Variants in LIMCH1 observed in about 807,000 individuals in gnomAD.
The protein encoded by LIMCH1 is LIM and calponin homology domains-containing protein 1.
Under a neutral mutation model 176.5 loss-of-function variants are expected in LIMCH1, and 113 were observed. The observed-to-expected ratio is 0.64, with a 90% CI of 0.55 to 0.75. The LOEUF is 0.75. Among genes scored for constraint, LIMCH1 ranks in the 30% least tolerant of loss-of-function variants. LIMCH1 has a pLI of 0.00. For synonymous variants in LIMCH1, 619 were observed against 645.9 expected, an observed-to-expected ratio of 0.96 and a Z score of 0.63; for missense variants, 1,674 against 1,814.9, an observed-to-expected ratio of 0.92 and a Z score of 1.41.
intron 1 of LIMCH1, among the ~76,000 whole-genome samples, chr4:41,386,517 A>G (rs771172434): frequency 1.3e-5 from 2 of 152,226 alleles, no homozygotes; most frequent in Non-Finnish European, 1.5e-5. Flanking sequence ...TTATTGAAGA[A>G]TCTACAAGTG....
At chr4:41,696,655 G>A (rs569970128) in intron 31 of LIMCH1, among the ~76,000 whole-genome samples, 8 of 152,112 alleles carry the variant, frequency 5.3e-5, no homozygotes, top group South Asian at 4.2e-4. Context: ...ATTCTGTGTC[G>A]TTTATCTGAA....
intron 1 of LIMCH1, among the ~76,000 whole-genome samples, chr4:41,579,714 A>G (rs1428752379): frequency 6.6e-6 from 1 of 152,146 alleles, no homozygotes; most frequent in South Asian, 2.1e-4. Context: ...CCCACTGTAC[A>G]CTCAGTGTTT....
chr4:41,360,026 G>GGTGTTGTGT (rs2051794036), upstream of LIMCH1, among the ~76,000 whole-genome samples: 1 of 145,774 alleles, frequency 6.9e-6, no homozygotes, highest in Non-Finnish European at 1.5e-5. The surrounding 1 kb of genome is among the most constrained non-coding windows in gnomAD (Gnocchi z 4.5). Flanking sequence ...GGGTGTGTAG[G>GGTGTTGTGT]GTGTGTGTGT....
chr4:41,632,001 TG>T (rs2093352341), intron 10 of LIMCH1, among the ~76,000 whole-genome samples: 1 of 152,152 alleles, frequency 6.6e-6, no homozygotes, highest in African/African-American at 2.4e-5. Context: ...ACCTCCTCTT[TG>T]GGGGTTTCTG....
chr4:41,637,940 A>G (rs1364215608), intron 13 of LIMCH1, among the ~76,000 whole-genome samples: 1 of 152,198 alleles, frequency 6.6e-6, no homozygotes, highest in African/African-American at 2.4e-5. Flanking sequence ...GCCGACTCCA[A>G]AATGTAATTT....
At chr4:41,652,581 A>G (rs917488356) in intron 18 of LIMCH1, among the ~76,000 whole-genome samples, 1 of 152,224 alleles carries the variant, frequency 6.6e-6, no homozygotes, top group Non-Finnish European at 1.5e-5. Flanking sequence ...TTAAAATTAA[A>G]CTAGAAGACC....
intron 1 of LIMCH1, among the ~76,000 whole-genome samples, chr4:41,371,864 A>G (rs1401054411): frequency 6.6e-6 from 1 of 152,228 alleles, no homozygotes; most frequent in East Asian, 1.9e-4. Context: ...TGGCTATTTT[A>G]TAATGTCGGT....
chr4:41,506,345 G>A (rs937915814), intron 2 of LIMCH1, among the ~76,000 whole-genome samples: 3 of 152,178 alleles, frequency 2.0e-5, no homozygotes, highest in Admixed American at 1.3e-4. Flanking sequence ...GGTGTGTCAC[G>A]GATGTGTCCT....
rs191190488 is a variant in LIMCH1 at position 41,425,402 on chromosome 4, A to T, written c.96+64466A>T. Among the ~76,000 whole-genome samples, 190 of 152,294 alleles carry T rather than the reference A, an allele frequency of 1.2e-3. 1 individual carries two copies. The highest frequency in any genetic ancestry group is 2.1e-3 in the Non-Finnish European group (145 of 68,028). On this transcript the variant is annotated intron_variant, in intron 1 of 26. Coordinates refer to the LIMCH1 transcript ENST00000313860. ...CACTCTGTTGCCCAGGCTGGAATGC[A>T]GTGGCATGATCTCTGCCCACTGCAA...
intron 2 of LIMCH1, among the ~76,000 whole-genome samples, chr4:41,599,444 C>T (rs2089531761): frequency 6.6e-6 from 1 of 152,184 alleles, no homozygotes; most frequent in Non-Finnish European, 1.5e-5. Flanking sequence ...GGAGAACTTG[C>T]TTCTTCATTT....
intron 1 of LIMCH1, among the ~76,000 whole-genome samples, chr4:41,543,357 T>C (rs2078926171): frequency 6.6e-6 from 1 of 152,174 alleles, no homozygotes; most frequent in African/African-American, 2.4e-5. Context: ...GAGTGTATTG[T>C]TAGGGACATC....
At chr4:41,578,571 C>T (rs2152665531) in intron 1 of LIMCH1, among the ~76,000 whole-genome samples, 1 of 152,264 alleles carries the variant, frequency 6.6e-6, no homozygotes, top group Admixed American at 6.5e-5. Flanking sequence ...TCTTATTCAT[C>T]TTGGCCAATT....
intron 1 of LIMCH1, among the ~76,000 whole-genome samples, chr4:41,580,877 TAAAC>T (rs1371884736): frequency 6.6e-6 from 1 of 152,194 alleles, no homozygotes; most frequent in African/African-American, 2.4e-5. Flanking sequence ...GAGACTTGTA[TAAAC>T]AAACTCATGG....
At chr4:41,653,535 T>C (rs1345545390) in intron 18 of LIMCH1, among the ~76,000 whole-genome samples, 1 of 152,234 alleles carries the variant, frequency 6.6e-6, no homozygotes, top group East Asian at 1.9e-4. Flanking sequence ...TTCCAAAAAC[T>C]GCATTCCCAA....
intron 1 of LIMCH1, among the ~76,000 whole-genome samples, chr4:41,451,816 C>T (rs969785372): frequency 2.0e-5 from 3 of 152,184 alleles, no homozygotes; most frequent in African/African-American, 7.2e-5. Flanking sequence ...TGCATTCTTT[C>T]CTTTCCTTTC....
chr4:41,633,615 C>A lies in LIMCH1; in HGVS notation c.1897C>A (p.Pro633Thr). ...AGAGAAGTTGGAGAAGATGACAGCT[C>A]CTGCCTGGAGTGGCAGTGGACTGAA... ...TEEKLEKMTA[P>T]AWSGSGLKGQ... Residue 633 changes from proline (P) to threonine (T), a missense_variant, in exon 13 of 32, where the codon CCT (proline) becomes ACT (threonine). Pro to Thr is a conservative substitution (Grantham distance 38). Around this residue, in one of 3 missense-constraint regions of LIMCH1, gnomAD observed 1,015 missense variants for 1,102.5 expected, o/e 0.92. Transcript: ENST00000503057. 1 of 1,536,096 alleles carries A rather than the reference C, an allele frequency of 6.5e-7. No individual in the cohort carries two copies. The highest frequency in any genetic ancestry group is 8.7e-7 in the Non-Finnish European group (1 of 1,146,920).
At chr4:41,649,733 G>C (rs1295695962) in intron 17 of LIMCH1, among the ~76,000 whole-genome samples, 1 of 152,118 alleles carries the variant, frequency 6.6e-6, no homozygotes, top group Admixed American at 6.5e-5. Flanking sequence ...CAGGCTAACC[G>C]CCCTCTCTGG....
chr4:41,414,470 A>G (rs1045559249), intron 1 of LIMCH1, among the ~76,000 whole-genome samples: 4 of 152,244 alleles, frequency 2.6e-5, no homozygotes, highest in Non-Finnish European at 5.9e-5. Flanking sequence ...CGTAGTGATT[A>G]GAGTCAGATG....
intron 1 of LIMCH1, among the ~76,000 whole-genome samples, chr4:41,576,962 C>A (rs1417314115): frequency 6.6e-6 from 1 of 152,118 alleles, no homozygotes; most frequent in South Asian, 2.1e-4. Flanking sequence ...TGCATCTGAG[C>A]GTTCTGCATG....
Sources: allele counts gnomAD v4.1 joint callset (sites outside exome capture counted in the v4.1 genomes callset), GRCh38; gene constraint gnomAD v4.1.1; regional missense constraint gnomAD v4.1.1; non-coding constraint Gnocchi (gnomAD v3.1); transcripts MANE v1.5; gene names NCBI Gene and HGNC (gene_info 2026-07-23, HGNC 2026-07-21).